SLC8A1: variants seen among roughly 807,000 people sequenced by gnomAD.
SLC8A1 encodes solute carrier family 8 member A1.
SLC8A1 carries 18 observed loss-of-function variants against 68.3 expected under a neutral mutation model. The ratio of observed to expected loss-of-function variants is 0.26; its 90% CI spans 0.18 to 0.39. The LOEUF (loss-of-function observed/expected upper bound fraction) is 0.39. Among genes scored for constraint, SLC8A1 ranks in the 10% least tolerant of loss-of-function variants. SLC8A1 has a pLI of 1.00. For synonymous variants in SLC8A1, 475 were observed against 415.5 expected (o/e 1.14, Z -1.74); for missense variants, 985 against 1,156.7 (o/e 0.85, Z 2.15).
rs1559735616 is a variant in SLC8A1 at position 40,451,736 on chromosome 2, A to ACC, written c.-25+167_-25+168insGG. 5.7e-3 allele frequency among the ~76,000 whole-genome samples: 263 copies of ACC among 46,500 alleles called. 1 individual carries two copies. The highest frequency in any genetic ancestry group is 0.019 in the African/African-American group (255 of 13,128). 30.5% of individuals were successfully genotyped at this position (46,500 alleles called of 152,430 possible). ...AAATGTGCAGGCGCGCACACACCACATCACACACACACACACACACACACA... is the reference window on the plus strand; with the variant it reads ...AAATGTGCAGGCGCGCACACACCACACCTCACACACACACACACACACACACA... On this transcript the variant is annotated intron_variant, in intron 1 of 7. Transcript: ENST00000406785.
chr2:40,292,617 C>T (rs1448640856), intron 2 of SLC8A1, among the ~76,000 whole-genome samples: 1 of 152,120 alleles, frequency 6.6e-6, no homozygotes, highest in Admixed American at 6.6e-5. Context: ...GAGAAGTGCA[C>T]CCACAGGAGT....
intron 2 of SLC8A1, among the ~76,000 whole-genome samples, chr2:40,254,191 G>GA (rs2063488655): frequency 6.6e-6 from 1 of 151,892 alleles, no homozygotes; most frequent in Non-Finnish European, 1.5e-5. Flanking sequence ...TATAAAAAAA[G>GA]AAAATAAAAG....
chr2:40,228,114 G>C (rs768426793), intron 2 of SLC8A1, among the ~76,000 whole-genome samples: 1 of 152,118 alleles, frequency 6.6e-6, no homozygotes. Context: ...CCTTTCATCA[G>C]TGCAAGTGTT....
chr2:40,504,794 C>T (rs1223181860), intron 1 of SLC8A1, among the ~76,000 whole-genome samples: 1 of 151,696 alleles, frequency 6.6e-6, no homozygotes, highest in Non-Finnish European at 1.5e-5. Flanking sequence ...TTTTACACAA[C>T]AGACAGGCAA....
At chr2:40,479,068 G>A (rs1055514807) in intron 1 of SLC8A1, among the ~76,000 whole-genome samples, 1 of 152,028 alleles carries the variant, frequency 6.6e-6, no homozygotes, top group Non-Finnish European at 1.5e-5. Context: ...CACCACGCCC[G>A]GCCTCAACCA....
chr2:40,251,280 T>A (rs982761263), intron 2 of SLC8A1: 4 of 151,738 alleles, frequency 2.6e-5, no homozygotes, highest in Non-Finnish European at 4.4e-5. Context: ...AAGAGAAAAA[T>A]CAACCTCTAC....
intron 1 of SLC8A1, among the ~76,000 whole-genome samples, chr2:40,465,980 T>G (rs1353316002): frequency 6.6e-6 from 1 of 152,132 alleles, no homozygotes; most frequent in Non-Finnish European, 1.5e-5. Flanking sequence ...CTTGCCCTCC[T>G]GGCTTCTGCT....
intron 2 of SLC8A1, among the ~76,000 whole-genome samples, chr2:40,403,855 G>A (rs1689486080): frequency 6.6e-6 from 1 of 152,092 alleles, no homozygotes; most frequent in Non-Finnish European, 1.5e-5. Context: ...CAGCTATGAA[G>A]CAAAAATAAA....
At chr2:40,325,881 A>G (rs981735343) in intron 2 of SLC8A1, among the ~76,000 whole-genome samples, 18 of 151,606 alleles carry the variant, frequency 1.2e-4, no homozygotes, top group African/African-American at 3.4e-4. Flanking sequence ...AAGTTTCACT[A>G]TCCTTTATAG....
At chr2:40,198,666 T>A (rs2148688802) in intron 2 of SLC8A1, among the ~76,000 whole-genome samples, 1 of 151,988 alleles carries the variant, frequency 6.6e-6, no homozygotes, top group South Asian at 2.1e-4. Flanking sequence ...GACCTTGATA[T>A]TTGATTATCT....
intron 2 of SLC8A1, among the ~76,000 whole-genome samples, chr2:40,238,559 C>A (rs1033683193): frequency 2.6e-5 from 4 of 152,180 alleles, no homozygotes; most frequent in Non-Finnish European, 4.4e-5. Flanking sequence ...AGAAATCGCC[C>A]GTCTTCTGCG....
At chr2:40,330,539 G>T (rs1245407336) in intron 2 of SLC8A1, among the ~76,000 whole-genome samples, 1 of 152,042 alleles carries the variant, frequency 6.6e-6, no homozygotes, top group East Asian at 1.9e-4. Flanking sequence ...AGTCATTTCT[G>T]ATGTTTTCCC....
chr2:40,237,933 G>T, intron 2 of SLC8A1, among the ~76,000 whole-genome samples: 1 of 86,924 alleles, frequency 1.2e-5, no homozygotes, highest in Non-Finnish European at 2.7e-5. Flanking sequence ...CAGGGGTCAG[G>T]GACCCACTTG....
At chr2:40,490,335 G>A (rs1463599903) in intron 1 of SLC8A1, among the ~76,000 whole-genome samples, 1 of 152,048 alleles carries the variant, frequency 6.6e-6, no homozygotes, top group Non-Finnish European at 1.5e-5. Flanking sequence ...ATTTCAAAAG[G>A]AAATAAGCAC....
At chr2:40,194,578 G>GACA (rs771600825) in intron 2 of SLC8A1, among the ~76,000 whole-genome samples, 4 of 151,796 alleles carry the variant, frequency 2.6e-5, no homozygotes, top group Non-Finnish European at 5.9e-5. Context: ...AATGTCTTGA[G>GACA]TTTTATGATA....
At chr2:40,327,733 T>C (rs1227263636) in intron 2 of SLC8A1, among the ~76,000 whole-genome samples, 1 of 151,982 alleles carries the variant, frequency 6.6e-6, no homozygotes. Flanking sequence ...AAGATGAGAA[T>C]AATACGACAC....
intron 2 of SLC8A1, among the ~76,000 whole-genome samples, chr2:40,422,522 G>A (rs1695807340): frequency 6.6e-6 from 1 of 152,072 alleles, no homozygotes. Flanking sequence ...GTGTCCTAAG[G>A]AAAGAAAGCA....
chr2:40,508,699 G>A (rs1167904212), intron 1 of SLC8A1, among the ~76,000 whole-genome samples: 1 of 152,122 alleles, frequency 6.6e-6, no homozygotes, highest in Non-Finnish European at 1.5e-5. Context: ...CAAAGAATAT[G>A]CCGTCGATAA....
chr2:40,447,517 T>C (rs916988898), intron 1 of SLC8A1, among the ~76,000 whole-genome samples: 10 of 151,110 alleles, frequency 6.6e-5, no homozygotes, highest in Admixed American at 3.3e-4. Context: ...TCTTTCACAT[T>C]CTCTGTATTT....
Sources: gnomAD v4.1 joint callset for allele counts (sites outside exome capture counted in the v4.1 genomes callset) on GRCh38, gnomAD v4.1.1 for gene constraint, MANE v1.5 for transcripts, NCBI Gene and HGNC (gene_info 2026-07-23, HGNC 2026-07-21) for gene names.